ZDHHC23: variants seen among roughly 807,000 people sequenced by gnomAD.
ZDHHC23 encodes the protein zDHHC palmitoyltransferase 23.
ZDHHC23 carries 41 observed loss-of-function variants against 40.2 expected under a neutral mutation model. The ratio of observed to expected loss-of-function variants is 1.02; its 90% CI spans 0.79 to 1.32. The LOEUF (loss-of-function observed/expected upper bound fraction) is 1.32, where lower values mean the gene tolerates loss of function less well. Ranked by LOEUF, ZDHHC23 falls within the 40% of genes most tolerant of loss-of-function variation. ZDHHC23 has a pLI of 0.00. For synonymous variants in ZDHHC23, 204 were observed against 210.2 expected, an observed-to-expected ratio of 0.97 and a Z score of 0.26; for missense variants, 471 against 541.5, an observed-to-expected ratio of 0.87 and a Z score of 1.29.
Position 113,958,459 on chromosome 3 carries a change from T to C in ZDHHC23, c.1137T>C (p.Asn379=), listed in dbSNP as rs768839850. 3.1e-6 allele frequency: 5 copies of C among 1,614,150 alleles called. No individual in the cohort carries two copies. The highest frequency in any genetic ancestry group is 2.2e-5 in the East Asian group (1 of 44,878). Residue 379 remains asparagine (N), a synonymous_variant, in exon 5 of 5, where the codon AAT becomes AAC. Transcript: ENST00000638807. ...TCCAGCTGATCAACATCAGCTACAA[T>C]GTGACTGAGCGGGAAGTCCAGCAGG... The part of the protein sequence containing the change: ...FLIQLINISY[N]VTEREVQQAL...
intron 4 of ZDHHC23, chr3:113,957,975 G>A (rs1423234542): frequency 1.6e-5 from 6 of 371,384 alleles, no homozygotes. Flanking sequence ...CAGCTTCCTA[G>A]AAGACATTTA....
rs534776733 is a variant in ZDHHC23, at chr3:113,959,930, ATATT to A, written c.*1304_*1307del. The A allele has an allele frequency of 6.0e-5, 60 of 998,050 alleles. No homozygotes were observed. In the East Asian group the frequency reaches 4.5e-3, roughly 75 times the overall value. 61.8% of individuals were successfully genotyped at this position (998,050 alleles called of 1,614,324 possible). ...AAACCGAAAATGTATAAAAGATTAAATATTTATGTACAATGGGTTGTTCTACTAT... is the reference window on the plus strand; with the variant it reads ...AAACCGAAAATGTATAAAAGATTAAATATGTACAATGGGTTGTTCTACTAT... On this transcript the variant is annotated 3_prime_UTR_variant, in exon 5 of 5. Coordinates refer to ENST00000638807, the MANE Select transcript of ZDHHC23 (RefSeq NM_001320466.2).
Position 113,959,460 on chromosome 3 carries a change from G to A in ZDHHC23, c.*830G>A. On this transcript the variant is annotated 3_prime_UTR_variant, in exon 5 of 5. Transcript: ENST00000638807. ...TTTATATTTTATAAATTCTGCTTGG[G>A]TTTCTTATAAATAACTCCAACAGGC... is the stretch of plus-strand genomic sequence containing the variant. 8.0e-7 allele frequency: 1 copy of A among 1,257,036 alleles called. No homozygotes were observed. The highest frequency in any genetic ancestry group is 1.3e-5 in the South Asian group (1 of 78,278). 77.9% of individuals were successfully genotyped at this position (1,257,036 alleles called of 1,614,324 possible).
In ZDHHC23 at chr3:113,959,720, A is replaced by C; in HGVS notation, c.*1090A>C. The stretch of plus-strand genomic sequence containing the variant: ...TGGCATTCACATTATTCTGGTATGA[A>C]CTTTGAGGAGTTGAGTGACATCTTC... On this transcript the variant is annotated 3_prime_UTR_variant, in exon 5 of 5. Coordinates refer to ENST00000638807, the MANE Select transcript of ZDHHC23 (RefSeq NM_001320466.2). 1 of 1,093,018 alleles carries C rather than the reference A, an allele frequency of 9.1e-7. No homozygotes were observed. Among genetic ancestry groups the C allele is most frequent in the South Asian group, 2.4e-5 (1 of 42,292 alleles). 67.7% of individuals were successfully genotyped at this position (1,093,018 alleles called of 1,614,324 possible).
the ZDHHC23 span, among the ~76,000 whole-genome samples, chr3:113,975,477 G>C: frequency 1.3e-5 from 2 of 152,150 alleles, no homozygotes; most frequent in Non-Finnish European, 1.5e-5. Context: ...CTGCAATAAA[G>C]TTCATCTATT....
At chr3:113,953,630 T>G in intron 2 of ZDHHC23, 70 bp from the exon 3 acceptor site, 1 of 1,353,380 alleles carries the variant, frequency 7.4e-7, no homozygotes, top group East Asian at 2.3e-5. Flanking sequence ...TGTTTGGCAT[T>G]CAGTGTTCTG....
Position 113,958,363 on chromosome 3 carries a change from C to T in ZDHHC23, c.1041C>T (p.Ser347=), listed in dbSNP as rs1312894019. 2 of 1,606,434 alleles carry T rather than the reference C, an allele frequency of 1.2e-6. No individual in the cohort carries two copies. Among genetic ancestry groups the T allele is most frequent in the Non-Finnish European group, 1.7e-6 (2 of 1,173,890 alleles). The change falls in exon 5 of 5, where the codon AGC becomes AGT. Residue 347 remains serine (S), a splice_region_variant and synonymous_variant. Transcript: ENST00000638807. ...FYCPGVYANY[S]SALSFTCVWY... ...CTGACAGCCTTTTTCCCTCTCCTAGCTCGGCTCTGTCCTTCACCTGCGTGT... is the reference window on the plus strand; with the variant it reads ...CTGACAGCCTTTTTCCCTCTCCTAGTTCGGCTCTGTCCTTCACCTGCGTGT...
At chr3:113,955,647 C>T (rs1301157615) in intron 3 of ZDHHC23, among the ~76,000 whole-genome samples, 6 of 152,138 alleles carry the variant, frequency 3.9e-5, no homozygotes, top group Admixed American at 6.5e-5. Flanking sequence ...TGAATTTTCC[C>T]ATACTATGTA....
rs1939574211 is a variant in ZDHHC23, at chr3:113,959,958, A to G, written c.*1328A>G. On this transcript the variant is annotated 3_prime_UTR_variant, in exon 5 of 5. Transcript: ENST00000638807. Reference sequence around the variant, plus strand: ...TTTATGTACAATGGGTTGTTCTACTATAGAATTAAGATGAGGGAATTTCAG... The same window carrying G: ...TTTATGTACAATGGGTTGTTCTACTGTAGAATTAAGATGAGGGAATTTCAG... The G allele has an allele frequency of 2.0e-6, 2 of 992,324 alleles. No individual in the cohort carries two copies. Among genetic ancestry groups the G allele is most frequent in the Non-Finnish European group, 2.4e-6 (2 of 832,742 alleles). 61.5% of individuals were successfully genotyped at this position (992,324 alleles called of 1,614,324 possible).
chr3:113,959,229 G>T lies in ZDHHC23; in HGVS notation c.*599G>T. 1 of 1,066,354 alleles carries T rather than the reference G, an allele frequency of 9.4e-7. No homozygotes were observed. Among genetic ancestry groups the T allele is most frequent in the Non-Finnish European group, 1.1e-6 (1 of 874,290 alleles). The allele number at this position is 1,066,354 out of a possible 1,614,324, so 66.1% of individuals were successfully genotyped here. A position where few individuals can be genotyped will look rare whatever the true frequency, so the allele number is the denominator to read the frequency against. ...AGAATATTGAAGCCAATATTATTAG[G>T]GTAATCAGTTTTCAGCATATACCTT... is the stretch of plus-strand genomic sequence containing the variant. On this transcript the variant is annotated 3_prime_UTR_variant, in exon 5 of 5. Coordinates refer to ENST00000638807, the MANE Select transcript of ZDHHC23 (RefSeq NM_001320466.2).
In ZDHHC23 at chr3:113,960,833, A is replaced by AT; in HGVS notation, c.*2204dup. 1 of 1,483,370 alleles carries AT rather than the reference A, an allele frequency of 6.7e-7. No homozygotes were observed. Among genetic ancestry groups the AT allele is most frequent in the South Asian group, 1.4e-5 (1 of 71,756 alleles). The allele number at this position is 1,483,370 out of a possible 1,614,324, so 91.9% of individuals were successfully genotyped here. On this transcript the variant is annotated 3_prime_UTR_variant, in exon 5 of 5. Transcript: ENST00000638807. Reference sequence around the variant, plus strand: ...GTTTTAAGTTCCTTGAGAACCCATGATGGACAGTTGACAGAATGCTTAAAC... The same window carrying AT: ...GTTTTAAGTTCCTTGAGAACCCATGATTGGACAGTTGACAGAATGCTTAAAC...
In ZDHHC23 at chr3:113,948,964, G is replaced by T; in HGVS notation, c.161+1G>T. 8 of 1,614,124 alleles carry T rather than the reference G, an allele frequency of 5.0e-6. No homozygotes were observed. Among genetic ancestry groups the T allele is most frequent in the Non-Finnish European group, 6.8e-6 (8 of 1,180,038 alleles). ...AAGATCTGGATGAAGGGTGTGATCG[G>T]TAAGAACAGAGCATTTCTTGACGCT... On this transcript the variant is annotated splice_donor_variant, in intron 2 of 4. Coordinates refer to ENST00000638807, the MANE Select transcript of ZDHHC23 (RefSeq NM_001320466.2). LOFTEE classifies it high-confidence loss of function.
the ZDHHC23 span, among the ~76,000 whole-genome samples, chr3:113,976,074 T>C: frequency 1.3e-5 from 2 of 150,736 alleles, no homozygotes; most frequent in African/African-American, 4.8e-5. Flanking sequence ...CTGGGCAGCA[T>C]GGTAAAAAAC....
At chr3:113,956,275 T>G (rs140139563) in intron 3 of ZDHHC23, 64 bp from the exon 4 acceptor site, 1 of 1,512,804 alleles carries the variant, frequency 6.6e-7, no homozygotes, top group East Asian at 2.3e-5. Context: ...ATGTTTATTA[T>G]GTAAGTTATA....
chr3:113,970,719 C>A, the ZDHHC23 span, among the ~76,000 whole-genome samples: 12 of 151,708 alleles, frequency 7.9e-5, no homozygotes, highest in East Asian at 7.7e-4. Context: ...CCCTCCCCGT[C>A]CCCCCACCCC....
At chr3:113,978,329 G>T in the ZDHHC23 span, 10 of 1,613,558 alleles carry the variant, frequency 6.2e-6, no homozygotes, top group South Asian at 2.2e-5. Context: ...GATCAATCAC[G>T]TACTGGGGAT....
chr3:113,978,971 A>G, the ZDHHC23 span: 3 of 1,614,026 alleles, frequency 1.9e-6, no homozygotes, highest in East Asian at 2.2e-5. Flanking sequence ...GTCAGCATGT[A>G]TTTCCTCTGC....
chr3:113,948,711 G>A lies in ZDHHC23; in HGVS notation c.-92G>A. 2 of 1,457,190 alleles carry A rather than the reference G, an allele frequency of 1.4e-6. No individual in the cohort carries two copies. The highest frequency in any genetic ancestry group is 1.2e-5 in the South Asian group (1 of 81,306). The allele number at this position is 1,457,190 out of a possible 1,614,324, so 90.3% of individuals were successfully genotyped here. On this transcript the variant is annotated 5_prime_UTR_variant, in exon 2 of 5. Coordinates refer to ENST00000638807, the MANE Select transcript of ZDHHC23 (RefSeq NM_001320466.2). ...GCGTTGGAGGTTAAGCAGAGAGAGA[G>A]AGGCGTGGACCTATTTACGAGATGT...
chr3:113,965,762 T>G (rs1940081778), downstream of ZDHHC23, among the ~76,000 whole-genome samples: 1 of 151,978 alleles, frequency 6.6e-6, no homozygotes, highest in Non-Finnish European at 1.5e-5. Flanking sequence ...GCTAATTTTT[T>G]TTTTGTATTT....
Sources: gnomAD v4.1 joint callset for allele counts (sites outside exome capture counted in the v4.1 genomes callset) on GRCh38, gnomAD v4.1.1 for gene constraint, MANE v1.5 for transcripts, NCBI Gene and HGNC (gene_info 2026-07-23, HGNC 2026-07-21) for gene names.